MMD2: variants seen among roughly 807,000 people sequenced by gnomAD.
The protein encoded by MMD2 is monocyte to macrophage differentiation associated 2.
In MMD2, 30 loss-of-function variants were observed where a neutral mutation model predicts 33.5. The ratio of observed to expected loss-of-function variants is 0.90; its 90% confidence interval spans 0.67 to 1.22. The LOEUF is 1.22. Ranked by LOEUF, MMD2 falls within the 50% of genes most tolerant of loss-of-function variation. MMD2 has a pLI of 0.00. For missense variants in MMD2, 364 were observed against 325.4 expected (o/e 1.12, Z -0.91); for synonymous variants, 129 against 123.0 (o/e 1.05, Z -0.32).
rs1038835061 is a variant in MMD2 at position 4,918,229 on chromosome 7, T to C, written c.290+1942A>G. On this transcript the variant is annotated intron_variant, in intron 3 of 6. Transcript: ENST00000401401. ...AAGTGTTTCTTGTTATTTTAAGCCA[T>C]AGTGCTCTGGGATACTTGGTTACAA... Among the ~76,000 whole-genome samples, 21 of 152,176 alleles carry C rather than the reference T, an allele frequency of 1.4e-4. 1 individual carries two copies. The highest frequency in any genetic ancestry group is 4.6e-4 in the African/African-American group (19 of 41,450).
At chr7:4,908,384 T>C (rs1323148331) in intron 6 of MMD2, among the ~76,000 whole-genome samples, 2 of 151,866 alleles carry the variant, frequency 1.3e-5, no homozygotes, top group African/African-American at 2.4e-5. Context: ...TGAGGTGATC[T>C]GCCCACCTTG....
the MMD2 span, among the ~76,000 whole-genome samples, chr7:4,896,864 T>A: frequency 6.6e-6 from 1 of 152,106 alleles, no homozygotes; most frequent in African/African-American, 2.4e-5. Flanking sequence ...TCTTTTCTTT[T>A]CTTTTCTTTT....
chr7:4,943,416 T>G (rs1785965565), intron 1 of MMD2, among the ~76,000 whole-genome samples: 1 of 152,040 alleles, frequency 6.6e-6, no homozygotes, highest in Non-Finnish European at 1.5e-5. Context: ...GTGCTGAGAT[T>G]ACAGGCGTGC....
Position 4,940,230 on chromosome 7 carries a change from G to C in MMD2, c.48-14698C>G, listed in dbSNP as rs2942557. 0.85 allele frequency among the ~76,000 whole-genome samples: 129,237 copies of C among 152,126 alleles called. 54,999 individuals carry two copies. The highest frequency in any genetic ancestry group is 1 in the East Asian group (5,155 of 5,164). ...CGGCACACCCCAGCTCCCCCGGCTC[G>C]CTCCTCCGAAGTCTGGCAGGAGCCA... On this transcript the variant is annotated intron_variant, in intron 1 of 6. Transcript: ENST00000401401. The surrounding 1 kb of genome is among the most constrained non-coding windows in gnomAD (Gnocchi z 5.0).
intron 1 of MMD2, among the ~76,000 whole-genome samples, chr7:4,931,597 A>G (rs1349716885): frequency 6.7e-6 from 1 of 149,550 alleles, no homozygotes; most frequent in Non-Finnish European, 1.5e-5. Flanking sequence ...CCCAGCTAAT[A>G]CTTTTTAATT....
At chr7:4,935,862 C>A (rs1478292895) in intron 1 of MMD2, among the ~76,000 whole-genome samples, 1 of 151,986 alleles carries the variant, frequency 6.6e-6, no homozygotes, top group African/African-American at 2.4e-5. Flanking sequence ...ATTCTTGCAA[C>A]TACCTGTGCA....
chr7:4,920,655 CTCTT>C (rs1562481092), intron 2 of MMD2, among the ~76,000 whole-genome samples: 1 of 143,670 alleles, frequency 7.0e-6, no homozygotes, highest in Middle Eastern at 3.7e-3. Flanking sequence ...TTTTCCTTTC[CTCTT>C]TCTTTCTTCC....
At chr7:4,919,056 G>A (rs914036220) in intron 3 of MMD2, among the ~76,000 whole-genome samples, 1 of 150,646 alleles carries the variant, frequency 6.6e-6, no homozygotes, top group African/African-American at 2.4e-5. Flanking sequence ...CCGAGATGAT[G>A]TTATCACACT....
At chr7:4,944,275 T>C (rs899255187) in intron 1 of MMD2, among the ~76,000 whole-genome samples, 1 of 151,212 alleles carries the variant, frequency 6.6e-6, no homozygotes, top group African/African-American at 2.4e-5. Context: ...AAAAAAAAAA[T>C]TGGAATCTAT....
intron 1 of MMD2, among the ~76,000 whole-genome samples, chr7:4,932,644 A>AT (rs1240150717): frequency 4.0e-4 from 59 of 145,720 alleles, no homozygotes; most frequent in African/African-American, 1.4e-3. Context: ...TTTTTTTGAG[A>AT]AGGAGTTTTG....
At chr7:4,928,215 G>A (rs1274812598) in intron 1 of MMD2, among the ~76,000 whole-genome samples, 1 of 152,136 alleles carries the variant, frequency 6.6e-6, no homozygotes. Flanking sequence ...TTTGTAGACT[G>A]CCCCCCAAAC....
rs372027738 is a variant in MMD2, at chr7:4,954,762, T to G, written c.47+4209A>C. On this transcript the variant is annotated intron_variant, in intron 1 of 6. Coordinates refer to ENST00000401401, the MANE Select transcript of MMD2 (RefSeq NM_198403.4). ...TAGTCAAGTTCATCAATCTTTTTTT[T>G]ATGATTTGTACTTTATGTGCCTTCA... Among the ~76,000 whole-genome samples the G allele has an allele frequency of 2.2e-4, 34 of 152,306 alleles. 2 individuals carry two copies. The highest frequency in any genetic ancestry group is 8.2e-4 in the African/African-American group (34 of 41,572).
At chr7:4,947,821 T>C (rs965706839) in intron 1 of MMD2, among the ~76,000 whole-genome samples, 1 of 147,106 alleles carries the variant, frequency 6.8e-6, no homozygotes, top group African/African-American at 2.5e-5. Context: ...TGCCTCAGCC[T>C]CCTGAGTATC....
At chr7:4,926,257 C>A (rs183616443) in intron 1 of MMD2, among the ~76,000 whole-genome samples, 1 of 152,030 alleles carries the variant, frequency 6.6e-6, no homozygotes, top group African/African-American at 2.4e-5. Flanking sequence ...TCTACCATGC[C>A]CGGCTAAATT....
intron 1 of MMD2, among the ~76,000 whole-genome samples, chr7:4,956,600 A>G (rs1357822856): frequency 3.9e-5 from 6 of 152,104 alleles, no homozygotes; most frequent in African/African-American, 1.4e-4. Flanking sequence ...AGCATGAAAG[A>G]CTGGCCCGTG....
chr7:4,912,972 G>A (rs1785054094), intron 4 of MMD2, among the ~76,000 whole-genome samples: 1 of 152,166 alleles, frequency 6.6e-6, no homozygotes, highest in African/African-American at 2.4e-5. Context: ...CCAAAGTGCT[G>A]GGATTACAGG....
the MMD2 span, among the ~76,000 whole-genome samples, chr7:4,896,410 G>C: frequency 2.0e-5 from 3 of 152,164 alleles, no homozygotes; most frequent in Non-Finnish European, 2.9e-5. Flanking sequence ...AACCTGGGAG[G>C]CAGAAGTTGC....
chr7:4,907,597 G>A lies in MMD2; in HGVS notation c.540C>T (p.Pro180=), dbSNP rs765223980. The change falls in exon 7 of 7, where the codon CCC becomes CCT. Residue 180 remains proline, a splice_region_variant and synonymous_variant. Transcript: ENST00000401401. ...CCAGCTCCCAGATGCCCTCGGTGTTGGGCTGTCGGCAAGGACAAGGGTGGG... is the reference window on the plus strand; with the variant it reads ...CCAGCTCCCAGATGCCCTCGGTGTTAGGCTGTCGGCAAGGACAAGGGTGGG... ...FFPALVILSM[P]NTEGIWELVT... The A allele has an allele frequency of 1.9e-6, 3 of 1,612,192 alleles. No individual in the cohort carries two copies. The highest frequency in any genetic ancestry group is 2.2e-5 in the East Asian group (1 of 44,872).
At position 4,939,767 on chromosome 7, in the gene MMD2, G is replaced by C. The variant is rs146598557; in HGVS notation, c.48-14235C>G. ...CTTTTTTTTTTTTTTTTGAGATGGA[G>C]TCCTGCGCTGTTGCCCAGGCTGGAG... On this transcript the variant is annotated intron_variant, in intron 1 of 6. Coordinates refer to ENST00000401401, the MANE Select transcript of MMD2 (RefSeq NM_198403.4). Among the ~76,000 whole-genome samples the C allele has an allele frequency of 4.7e-3, 685 of 147,132 alleles. 5 individuals carry two copies. Among genetic ancestry groups the C allele is most frequent in the African/African-American group, 0.017 (665 of 39,438 alleles).
Sources: gnomAD v4.1 joint callset for allele counts (sites outside exome capture counted in the v4.1 genomes callset) on GRCh38, gnomAD v4.1.1 for gene constraint, Gnocchi (gnomAD v3.1) non-coding constraint, MANE v1.5 for transcripts, NCBI Gene and HGNC (gene_info 2026-07-23, HGNC 2026-07-21) for gene names.